The following TSC2 variants were observed in gnomAD, a reference collection of about 807,000 sequenced individuals.
TSC2 encodes the protein tuberin.
TSC2 carries 29 observed loss-of-function variants against 202.2 expected under a neutral mutation model. That is an observed-to-expected ratio of 0.14 (90% CI 0.11 to 0.20). The LOEUF (loss-of-function observed/expected upper bound fraction) is 0.20, where lower values mean the gene tolerates loss of function less well. TSC2 is among the 10% of genes least tolerant of loss of function. The probability of loss-of-function intolerance (pLI) is 1.00; values close to 1 mark genes in which losing one functional copy is unlikely to be tolerated. For synonymous variants in TSC2, 1,349 were observed against 1,044.0 expected, an observed-to-expected ratio of 1.29 and a Z score of -5.63; for missense variants, 2,429 against 2,420.0, an observed-to-expected ratio of 1.00 and a Z score of -0.08.
At chr16:2,049,272 G>C (rs756881595) in intron 2 of TSC2, among the ~76,000 whole-genome samples, 2 of 152,014 alleles carry the variant, frequency 1.3e-5, no homozygotes, top group East Asian at 2.0e-4. Context: ...TTTTAGTAGA[G>C]ATGGAGTTTC....
intron 25 of TSC2, among the ~76,000 whole-genome samples, chr16:2,076,882 T>C (rs952399312): frequency 2.0e-5 from 3 of 152,148 alleles, no homozygotes; most frequent in Non-Finnish European, 4.4e-5. Flanking sequence ...TGTCTGGGGC[T>C]GCCCCCTCCT....
rs2151458293 is a variant in TSC2, at chr16:2,080,246, C to G, written c.3479C>G (p.Thr1160Ser). The change falls in exon 30 of 42, where the codon ACT becomes AGT. Residue 1160 changes from threonine to serine, a missense_variant. Physicochemically the swap from Thr to Ser is moderately conservative, Grantham distance 58. Coordinates refer to ENST00000219476, the MANE Select transcript of TSC2 (RefSeq NM_000548.5). ...AGTGCCACTTCTCCAGGACCACGGA[C>G]TGCACCAGCCGCGAAACCTGAGAAG... ...LGSATSPGPRTAPAAKPEKAS... is the reference protein window; with the variant it reads ...LGSATSPGPRSAPAAKPEKAS... 1 of 1,612,980 alleles carries G rather than the reference C, an allele frequency of 6.2e-7. No homozygotes were observed. The highest frequency in any genetic ancestry group is 1.1e-5 in the South Asian group (1 of 91,088).
chr16:2,084,194 T>C (rs1239642389), intron 33 of TSC2, 34 bp from the exon 34 acceptor site: 3 of 1,556,068 alleles, frequency 1.9e-6, no homozygotes, highest in Non-Finnish European at 2.6e-6. Context: ...GGGTGCCTGC[T>C]GACAGGGGTT....
chr16:2,048,347 G>T, intron 1 of TSC2: 1 of 888,562 alleles, frequency 1.1e-6, no homozygotes, highest in East Asian at 2.6e-5. Flanking sequence ...ACTGAGTCGG[G>T]CGGGGCGGGC....
At position 2,072,127 on chromosome 16, in the gene TSC2, A is replaced by G. The variant is rs6600185; in HGVS notation, c.2098-114A>G. The G allele has an allele frequency of 0.02, 31,192 of 1,580,666 alleles. 5,025 individuals are homozygous for G. The African/African-American group carries it at 0.36, about 18-fold the overall frequency. On this transcript the variant is annotated intron_variant, in intron 19 of 41. Transcript: ENST00000219476. ...TGGGCAGGCTCCCCCGGCTGAGAAC[A>G]GGGCTCCATAGCCCTTGACGCTGTG... is the stretch of plus-strand genomic sequence containing the variant.
chr16:2,074,632 C>T (rs1261869905), intron 22 of TSC2: 3 of 577,996 alleles, frequency 5.2e-6, no homozygotes, highest in Admixed American at 2.9e-5. Flanking sequence ...GCCTCTTCCC[C>T]CCCGAGCAGT....
In TSC2 at chr16:2,079,558, T is replaced by G; in HGVS notation, c.3286T>G (p.Ser1096Ala). ...GELQSGPESS[S>A]SPGVHVRQTK... ...CTGTGCGTGGGATTCTCTTCTCAGC[T>G]CCAGCCCCGGGGTGCATGTGAGACA... The change falls in exon 29 of 42, where the codon TCC becomes GCC. Residue 1096 changes from serine (S) to alanine (A), a missense_variant and splice_region_variant. By Grantham distance (99) the Ser-to-Ala change is moderately conservative. Coordinates refer to ENST00000219476, the MANE Select transcript of TSC2 (RefSeq NM_000548.5). This position sits in a 1 kb window ranked among gnomAD's most constrained non-coding sequence, Gnocchi z 4.6. 6.2e-7 allele frequency: 1 copy of G among 1,609,602 alleles called. No individual in the cohort carries two copies.
rs118124428 is a variant in TSC2 at position 2,077,943 on chromosome 16, G to T, written c.2966+217G>T. ...TTGCACGCATCCCCAGGCCCCCTCGGGGTGCCGCTCCGAGAGAGCCAGGCG... is the reference window on the plus strand; with the variant it reads ...TTGCACGCATCCCCAGGCCCCCTCGTGGTGCCGCTCCGAGAGAGCCAGGCG... On this transcript the variant is annotated intron_variant, in intron 26 of 41. Transcript: ENST00000219476. Among the ~76,000 whole-genome samples the T allele has an allele frequency of 0.019, 2,840 of 152,314 alleles. 28 individuals are homozygous for T. Among genetic ancestry groups the T allele is most frequent in the Non-Finnish European group, 0.029 (1,998 of 68,006 alleles).
rs761181064 is a variant in TSC2, at chr16:2,088,494, C to T, written c.5308C>T (p.Pro1770Ser). ...YSNPSLPLVHPPSHSKAPAQT... is the reference protein window; with the variant it reads ...YSNPSLPLVHSPSHSKAPAQT... ...CAACCCCAGCCTACCTCTGGTGCAC[C>T]CTCCGTCCCATAGCAAAGCCCCTGC... Residue 1770 changes from proline to serine, a missense_variant, in exon 42 of 42, where the codon CCT becomes TCT. Pro to Ser is a moderately conservative substitution (Grantham distance 74). Transcript: ENST00000219476. 2.5e-5 allele frequency: 40 copies of T among 1,612,764 alleles called. No individual in the cohort carries two copies. The highest frequency in any genetic ancestry group is 3.3e-5 in the Admixed American group (2 of 60,002).
intron 32 of TSC2, chr16:2,083,457 G>A (rs1032438075): frequency 6.0e-6 from 4 of 666,760 alleles, no homozygotes; most frequent in Non-Finnish European, 1.1e-5. Context: ...GGTGGGCAGA[G>A]CCGATTGCCT....
intron 32 of TSC2, chr16:2,082,733 C>T (rs919596691): frequency 1.6e-6 from 1 of 611,714 alleles, no homozygotes; most frequent in Non-Finnish European, 3.0e-6. Context: ...GCTGTGCGAG[C>T]ACTCCCGGCC....
In TSC2 at chr16:2,080,334, G is replaced by A. The variant is rs146734084; in HGVS notation, c.3567G>A (p.Leu1189=). The A allele has an allele frequency of 4.3e-5, 70 of 1,612,652 alleles. No individual in the cohort carries two copies. Among genetic ancestry groups the A allele is most frequent in the Middle Eastern group, 1.7e-4 (1 of 5,900 alleles). ...CGAACCTGGCGGCCTATGTGCCCCT[G>A]CTGACCCAGGGCTGGGCGGAGATCC... ...EKTNLAAYVP[L]LTQGWAEILV... The change falls in exon 30 of 42, where the codon CTG becomes CTA. Residue 1189 remains leucine, a synonymous_variant. Coordinates refer to ENST00000219476, the MANE Select transcript of TSC2 (RefSeq NM_000548.5).
In TSC2 at chr16:2,058,875, TA is replaced by T; in HGVS notation, c.975+4del. On this transcript the variant is annotated splice_donor_region_variant and intron_variant, in intron 10 of 41. Transcript: ENST00000219476. ...TCTGTGTTGCCATCATTTTACCAGG[TA>T]AGGCGGTTTCTGTGTGCAGTGAGCT... 1 of 1,607,106 alleles carries T rather than the reference TA, an allele frequency of 6.2e-7. No homozygotes were observed. Among genetic ancestry groups the T allele is most frequent in the Non-Finnish European group, 8.5e-7 (1 of 1,177,044 alleles).
At chr16:2,087,581 T>C (rs2090996586) in intron 38 of TSC2, among the ~76,000 whole-genome samples, 2 of 150,684 alleles carry the variant, frequency 1.3e-5, no homozygotes, top group Non-Finnish European at 3.0e-5. Flanking sequence ...GATTCGGACG[T>C]GTGGCTGCAG....
Position 2,084,993 on chromosome 16 carries a change from C to G in TSC2, c.4536C>G (p.Asp1512Glu), listed in dbSNP as rs35986575. 6.2e-7 allele frequency: 1 copy of G among 1,613,256 alleles called. No individual in the cohort carries two copies. Among genetic ancestry groups the G allele is most frequent in the African/African-American group, 1.3e-5 (1 of 75,050 alleles). Residue 1512 changes from aspartate (D) to glutamate (E), a missense_variant, in exon 35 of 42, where the codon GAC becomes GAG. Physicochemically the swap from Asp to Glu is conservative, Grantham distance 45. Coordinates refer to ENST00000219476, the MANE Select transcript of TSC2 (RefSeq NM_000548.5). ...LQLYHSPFFG[D>E]ESNKPILLPN... is the part of the protein sequence containing the mutation. ...TCTACCATTCCCCCTTCTTTGGCGA[C>G]GAGTCAAACAAGCCAATCCTGCTGC...
rs2151282769 is a variant in TSC2, at chr16:2,070,590, G to A, written c.1839+12G>A. ...GCATCCGGCTGCAGGTATGGTGGCT[G>A]GGGTTGCGCAGCCAGTTCCTGGGGG... On this transcript the variant is annotated intron_variant, in intron 17 of 41. Transcript: ENST00000219476. 7 of 1,612,960 alleles carry A rather than the reference G, an allele frequency of 4.3e-6. No individual in the cohort carries two copies. Among genetic ancestry groups the A allele is most frequent in the Non-Finnish European group, 5.9e-6 (7 of 1,179,994 alleles).
intron 3 of TSC2, among the ~76,000 whole-genome samples, chr16:2,051,744 G>A (rs551293361): frequency 2.6e-5 from 4 of 152,260 alleles, no homozygotes; most frequent in East Asian, 3.9e-4. Flanking sequence ...CGTGCTGGCC[G>A]TACGCTACCA....
Position 2,081,590 on chromosome 16 carries a change from C to A in TSC2, c.3611-5C>A, listed in dbSNP as rs200194551. 1.7e-5 allele frequency: 27 copies of A among 1,612,870 alleles called. No individual in the cohort carries two copies. The highest frequency in any genetic ancestry group is 2.3e-5 in the Non-Finnish European group (27 of 1,179,986). The stretch of plus-strand genomic sequence containing the variant: ...CTCAGGCCAAAGGTGCTGCCGCCTC[C>A]GCAGGGAACACCAGCTGGCTGATGA... On this transcript the variant is annotated splice_region_variant and splice_polypyrimidine_tract_variant and intron_variant, in intron 30 of 41. Transcript: ENST00000219476.
chr16:2,049,473 A>G (rs1567383701), intron 2 of TSC2, among the ~76,000 whole-genome samples: 1 of 152,168 alleles, frequency 6.6e-6, no homozygotes, highest in Non-Finnish European at 1.5e-5. Flanking sequence ...GAATTTTTGC[A>G]CTTGTAAAGT....
Sources: allele counts gnomAD v4.1 joint callset (sites outside exome capture counted in the v4.1 genomes callset), GRCh38; gene constraint gnomAD v4.1.1; non-coding constraint Gnocchi (gnomAD v3.1); transcripts MANE v1.5; gene names NCBI Gene and HGNC (gene_info 2026-07-23, HGNC 2026-07-21).